The following MSI2 variants were observed in gnomAD, a reference collection of about 807,000 sequenced individuals.
MSI2 encodes the protein RNA-binding protein Musashi homolog 2.
MSI2 carries 17 observed loss-of-function variants against 45.6 expected under a neutral mutation model. That is an observed-to-expected ratio of 0.37 (90% confidence interval 0.26 to 0.56). The LOEUF is 0.56. MSI2 is among the 20% of genes least tolerant of loss of function. The pLI, the probability that MSI2 is intolerant of heterozygous loss-of-function variation, is 0.77. For missense variants in MSI2, 293 were observed against 444.2 expected, an observed-to-expected ratio of 0.66 and a Z score of 3.06; for synonymous variants, 156 against 158.2, an observed-to-expected ratio of 0.99 and a Z score of 0.11.
chr17:57,635,830 C>G (rs1909792863), intron 10 of MSI2, among the ~76,000 whole-genome samples: 1 of 152,230 alleles, frequency 6.6e-6, no homozygotes, highest in Non-Finnish European at 1.5e-5. Context: ...GATGTTGAGG[C>G]CAAGTCCTAG....
At chr17:57,554,659 A>G (rs2087389844) in intron 7 of MSI2, among the ~76,000 whole-genome samples, 1 of 152,218 alleles carries the variant, frequency 6.6e-6, no homozygotes, top group Non-Finnish European at 1.5e-5. Flanking sequence ...GGGCTGAGCA[A>G]TTCTTTTGCT....
intron 5 of MSI2, among the ~76,000 whole-genome samples, chr17:57,378,470 G>T (rs2083540712): frequency 1.3e-5 from 2 of 152,214 alleles, no homozygotes; most frequent in Admixed American, 1.3e-4. Flanking sequence ...CACCATGTTG[G>T]CCAGGCTGGT....
chr17:57,658,904 C>T (rs1309663934), intron 11 of MSI2, among the ~76,000 whole-genome samples: 2 of 152,158 alleles, frequency 1.3e-5, no homozygotes, highest in African/African-American at 2.4e-5. Context: ...TCTAGAGACC[C>T]GCTCCTTGCA....
intron 5 of MSI2, among the ~76,000 whole-genome samples, chr17:57,394,024 G>T (rs1361923256): frequency 2.6e-5 from 4 of 152,170 alleles, no homozygotes; most frequent in Admixed American, 1.3e-4. Flanking sequence ...GACAGACAAC[G>T]CTGTGTTTAA....
intron 6 of MSI2, among the ~76,000 whole-genome samples, chr17:57,472,818 C>T (rs2085464546): frequency 6.6e-6 from 1 of 152,116 alleles, no homozygotes; most frequent in African/African-American, 2.4e-5. Context: ...GCAAGTTCTG[C>T]TTTCCTGAAC....
intron 7 of MSI2, among the ~76,000 whole-genome samples, chr17:57,561,444 G>A (rs140765743): frequency 3.3e-5 from 5 of 152,254 alleles, no homozygotes; most frequent in South Asian, 2.1e-4. Context: ...ATTTCTGTGC[G>A]GTTTATTCTG....
At chr17:57,458,423 G>A (rs1439941646) in intron 6 of MSI2, among the ~76,000 whole-genome samples, 1 of 152,174 alleles carries the variant, frequency 6.6e-6, no homozygotes, top group Non-Finnish European at 1.5e-5. Flanking sequence ...ATATGTGTGT[G>A]TATACATATT....
rs1217209007 is a variant in MSI2 at position 57,401,445 on chromosome 17, A to C, written c.379A>C (p.Lys127Gln). 1 of 1,614,192 alleles carries C rather than the reference A, an allele frequency of 6.2e-7. No individual in the cohort carries two copies. The highest frequency in any genetic ancestry group is 1.1e-5 in the South Asian group (1 of 91,086). Reference protein sequence around the residue: ...LSANTVVEDVKQYFEQFGKVE... With the variant: ...LSANTVVEDVQQYFEQFGKVE... ...TGCGAACACAGTAGTGGAAGATGTA[A>C]AGCAATATTTCGAGCAGTTTGGCAA... is the stretch of plus-strand genomic sequence containing the variant. The change falls in exon 6 of 14, where the codon AAG (lysine) becomes CAG (glutamine). Residue 127 changes from lysine to glutamine, a missense_variant. Lys to Gln is a moderately conservative substitution (Grantham distance 53). Coordinates refer to ENST00000284073, the MANE Select transcript of MSI2 (RefSeq NM_138962.4).
intron 10 of MSI2, chr17:57,632,557 C>T: frequency 9.4e-7 from 1 of 1,067,050 alleles, no homozygotes; most frequent in East Asian, 5.0e-5. Context: ...GCCTTGCCTG[C>T]TGGCACCATT....
chr17:57,258,207 C>T, intron 3 of MSI2, 63 bp from the exon 4 acceptor site: 1 of 1,469,092 alleles, frequency 6.8e-7, no homozygotes, highest in East Asian at 2.3e-5. Flanking sequence ...GGTCTCACTC[C>T]TGGTTGCTTT....
At chr17:57,404,483 C>G (rs2084047906) in intron 6 of MSI2, among the ~76,000 whole-genome samples, 1 of 152,156 alleles carries the variant, frequency 6.6e-6, no homozygotes, top group African/African-American at 2.4e-5. Context: ...CAGTCAGGGC[C>G]AGGGAGGCTG....
At chr17:57,301,459 A>G (rs1206754200) in intron 5 of MSI2, among the ~76,000 whole-genome samples, 3 of 152,252 alleles carry the variant, frequency 2.0e-5, no homozygotes, top group Non-Finnish European at 4.4e-5. Context: ...TCACATAGTC[A>G]CCATCCGGCT....
chr17:57,643,369 A>T (rs905068811), intron 10 of MSI2, among the ~76,000 whole-genome samples: 4 of 152,216 alleles, frequency 2.6e-5, no homozygotes, highest in Non-Finnish European at 5.9e-5. Flanking sequence ...CAAGCCGCAG[A>T]ATCTGTTTGC....
At chr17:57,318,418 C>G (rs1410721039) in intron 5 of MSI2, among the ~76,000 whole-genome samples, 2 of 152,192 alleles carry the variant, frequency 1.3e-5, no homozygotes, top group Admixed American at 6.5e-5. Context: ...ACTCTTTCCT[C>G]ACTTCTGAGG....
intron 6 of MSI2, among the ~76,000 whole-genome samples, chr17:57,515,904 T>A (rs1341077424): frequency 1.3e-5 from 2 of 152,148 alleles, no homozygotes; most frequent in Admixed American, 1.3e-4. Context: ...TTTATTATTA[T>A]TATACATTTT....
chr17:57,412,758 A>G (rs897995512), intron 6 of MSI2, among the ~76,000 whole-genome samples: 1 of 152,144 alleles, frequency 6.6e-6, no homozygotes, highest in Non-Finnish European at 1.5e-5. Flanking sequence ...TGGCCCTCAG[A>G]CTGTATAGTT....
At chr17:57,510,110 C>G (rs981082140) in intron 6 of MSI2, among the ~76,000 whole-genome samples, 1 of 152,060 alleles carries the variant, frequency 6.6e-6, no homozygotes, top group South Asian at 2.1e-4. Context: ...CACCGTTCTG[C>G]CCCACGAGGT....
rs1380874695 is a variant in MSI2, at chr17:57,627,468, G to C, written c.727+165G>C. On this transcript the variant is annotated intron_variant, in intron 10 of 13. Coordinates refer to ENST00000284073, the MANE Select transcript of MSI2 (RefSeq NM_138962.4). The surrounding 1 kb of genome is among the most constrained non-coding windows in gnomAD (Gnocchi z 4.6). ...CACTGAAGTTCAAGGCCAGGATGCAGCTCAGAGTTTTTGATTAACTCAGGT... is the reference window on the plus strand; with the variant it reads ...CACTGAAGTTCAAGGCCAGGATGCACCTCAGAGTTTTTGATTAACTCAGGT... The C allele has an allele frequency of 3.0e-6, 2 of 660,668 alleles. No homozygotes were observed. Among genetic ancestry groups the C allele is most frequent in the East Asian group, 5.4e-5 (2 of 37,116 alleles). The allele number at this position is 660,668 out of a possible 1,614,324, so 40.9% of individuals were successfully genotyped here. A position where few individuals can be genotyped will look rare whatever the true frequency, so the allele number is the denominator to read the frequency against.
At chr17:57,319,391 C>T (rs1015453401) in intron 5 of MSI2, among the ~76,000 whole-genome samples, 1 of 152,182 alleles carries the variant, frequency 6.6e-6, no homozygotes, top group Admixed American at 6.5e-5. Flanking sequence ...CCTGGAAACA[C>T]CATATTTCCT....
Sources: allele counts gnomAD v4.1 joint callset (sites outside exome capture counted in the v4.1 genomes callset), GRCh38; gene constraint gnomAD v4.1.1; non-coding constraint Gnocchi (gnomAD v3.1); transcripts MANE v1.5; gene names NCBI Gene and HGNC (gene_info 2026-07-23, HGNC 2026-07-21).